Variants in UBL3 observed in about 807,000 individuals in gnomAD.
UBL3 encodes ubiquitin like 3, also known as ubiquitin-like protein 3.
In UBL3, 6 loss-of-function variants were observed where a neutral mutation model predicts 18.4. The ratio of observed to expected loss-of-function variants is 0.33; its 90% CI spans 0.18 to 0.64. UBL3 has a LOEUF of 0.64. UBL3 is among the 30% of genes least tolerant of loss of function. The pLI is 0.76. For missense variants in UBL3, 109 were observed against 142.9 expected, an observed-to-expected ratio of 0.76 and a Z score of 1.21; for synonymous variants, 49 against 46.6, an observed-to-expected ratio of 1.05 and a Z score of -0.21.
At chr13:29,776,171 CTT>C (rs1326616224) in intron 2 of UBL3, among the ~76,000 whole-genome samples, 1 of 148,402 alleles carries the variant, frequency 6.7e-6, no homozygotes, top group Non-Finnish European at 1.5e-5. Context: ...GTTCTTTCCT[CTT>C]TGTGTTTTGG....
chr13:29,828,420 T>C (rs1878680818), intron 1 of UBL3, among the ~76,000 whole-genome samples: 2 of 152,222 alleles, frequency 1.3e-5, no homozygotes, highest in Admixed American at 1.3e-4. Flanking sequence ...CTTCATTTCA[T>C]TCATTTGATC....
intron 1 of UBL3, among the ~76,000 whole-genome samples, chr13:29,791,013 T>G (rs1291460377): frequency 6.6e-6 from 1 of 152,204 alleles, no homozygotes; most frequent in Non-Finnish European, 1.5e-5. Context: ...GTCTGCTAGC[T>G]GTCCATTTCT....
intron 1 of UBL3, among the ~76,000 whole-genome samples, chr13:29,816,833 G>A (rs1282204380): frequency 6.7e-6 from 1 of 149,156 alleles, no homozygotes; most frequent in Admixed American, 6.7e-5. Flanking sequence ...TTATAAATTT[G>A]GTTACAAGAA....
chr13:29,795,755 GAA>G (rs57782695), intron 1 of UBL3, among the ~76,000 whole-genome samples: 3 of 66,192 alleles, frequency 4.5e-5, no homozygotes, highest in African/African-American at 1.8e-4. Flanking sequence ...CCTCATCTCA[GAA>G]AAAAAAAAAA....
chr13:29,792,615 T>C (rs1227728104), intron 1 of UBL3, among the ~76,000 whole-genome samples: 1 of 152,342 alleles, frequency 6.6e-6, no homozygotes, highest in African/African-American at 2.4e-5. Flanking sequence ...CACTGTCACT[T>C]AGTGGTGCCC....
chr13:29,834,962 A>G (rs1008633916), intron 1 of UBL3, among the ~76,000 whole-genome samples: 1 of 150,928 alleles, frequency 6.6e-6, no homozygotes, highest in Non-Finnish European at 1.5e-5. Context: ...TCAAGTAATA[A>G]GCTTGGCACA....
chr13:29,848,663 TG>T (rs1879288840), intron 1 of UBL3, among the ~76,000 whole-genome samples: 1 of 152,204 alleles, frequency 6.6e-6, no homozygotes, highest in Non-Finnish European at 1.5e-5. Context: ...TCCTTAGGAC[TG>T]CAAAATGTAA....
Position 29,767,231 on chromosome 13 carries a change from C to A in UBL3, c.*24G>T, listed in dbSNP as rs1295427877. 1 of 1,612,150 alleles carries A rather than the reference C, an allele frequency of 6.2e-7. No individual in the cohort carries two copies. The highest frequency in any genetic ancestry group is 8.5e-7 in the Non-Finnish European group (1 of 1,178,752). The stretch of plus-strand genomic sequence containing the variant: ...GCAGCATGAAAGACAAAGACTATAT[C>A]ACATCACACTAGGCAGACAGTGTTT... On this transcript the variant is annotated 3_prime_UTR_variant, in exon 5 of 5. Transcript: ENST00000380680.
At chr13:29,809,960 G>C (rs1313319644) in intron 1 of UBL3, among the ~76,000 whole-genome samples, 3 of 151,972 alleles carry the variant, frequency 2.0e-5, no homozygotes, top group Non-Finnish European at 4.4e-5. Flanking sequence ...GAAAATTCAA[G>C]TTTTGCTTTT....
At chr13:29,848,432 G>A (rs1008235434) in intron 1 of UBL3, among the ~76,000 whole-genome samples, 8 of 151,562 alleles carry the variant, frequency 5.3e-5, no homozygotes, top group African/African-American at 1.9e-4. Context: ...ACTCCAGCCT[G>A]GGCAACAAGA....
At chr13:29,817,399 C>T (rs1878309648) in intron 1 of UBL3, among the ~76,000 whole-genome samples, 1 of 152,130 alleles carries the variant, frequency 6.6e-6, no homozygotes, top group African/African-American at 2.4e-5. Context: ...TTAAGCCATT[C>T]AGGTTTGCTC....
intron 1 of UBL3, among the ~76,000 whole-genome samples, chr13:29,780,514 G>A (rs1304122399): frequency 1.3e-5 from 2 of 149,820 alleles, no homozygotes; most frequent in African/African-American, 2.5e-5. Flanking sequence ...TTGGTGAGAA[G>A]GTTGACAAAA....
chr13:29,841,433 T>C (rs555524581), intron 1 of UBL3, among the ~76,000 whole-genome samples: 1 of 152,284 alleles, frequency 6.6e-6, no homozygotes, highest in Non-Finnish European at 1.5e-5. Context: ...GTAACAAATA[T>C]ATACATAAGA....
At chr13:29,791,963 A>G (rs974468784) in intron 1 of UBL3, among the ~76,000 whole-genome samples, 1 of 152,212 alleles carries the variant, frequency 6.6e-6, no homozygotes, top group Non-Finnish European at 1.5e-5. Flanking sequence ...CACCAGGCAC[A>G]TTTATTATGC....
chr13:29,788,874 CGCGCGCGCGCACGCGCACGTGTGTGCGT>C (rs1329741391), intron 1 of UBL3, among the ~76,000 whole-genome samples: 152 of 61,592 alleles, frequency 2.5e-3, no homozygotes, highest in Middle Eastern at 0.01. Context: ...TGTGTGTGCG[CGCGCGCGCGCACGCGCACGTGTGTGCGT>C]GTGTGTGTGT....
intron 1 of UBL3, chr13:29,777,592 A>G (rs1877034843): frequency 5.9e-6 from 2 of 336,260 alleles, no homozygotes; most frequent in South Asian, 5.0e-5. Flanking sequence ...TTATTATAGA[A>G]TATACATTTT....
At chr13:29,824,788 A>G (rs895008740) in intron 1 of UBL3, among the ~76,000 whole-genome samples, 31 of 152,328 alleles carry the variant, frequency 2.0e-4, no homozygotes, top group African/African-American at 7.5e-4. Context: ...GCCCATGCCT[A>G]TGTCCTGAAT....
intron 1 of UBL3, among the ~76,000 whole-genome samples, chr13:29,809,688 A>ATTC (rs1877989009): frequency 2.6e-5 from 4 of 152,128 alleles, no homozygotes. Flanking sequence ...GAGGCAGTGA[A>ATTC]GAAGATATGT....
intron 1 of UBL3, among the ~76,000 whole-genome samples, chr13:29,820,169 CTTTTTTTT>C (rs36050662): frequency 0.32 from 34,134 of 105,734 alleles, 4,478 homozygotes; most frequent in East Asian, 0.47. Flanking sequence ...CTCAGAGTTC[CTTTTTTTT>C]TTTTTTTTTT....
Sources: allele counts gnomAD v4.1 joint callset (sites outside exome capture counted in the v4.1 genomes callset), GRCh38; gene constraint gnomAD v4.1.1; transcripts MANE v1.5; gene names NCBI Gene and HGNC (gene_info 2026-07-23, HGNC 2026-07-21).